The following TGFBR1 variants were observed in gnomAD, a reference collection of about 807,000 sequenced individuals.
The protein encoded by TGFBR1 is TGF-beta receptor type-1.
A neutral mutation model predicts 55.1 loss-of-function variants in TGFBR1; 20 were observed. The ratio of observed to expected loss-of-function variants is 0.36; its 90% CI spans 0.26 to 0.53. The LOEUF is 0.53. Ranked by LOEUF, TGFBR1 falls within the 20% of genes least tolerant of loss-of-function variation. The pLI, the probability that TGFBR1 is intolerant of heterozygous loss-of-function variation, is 0.91. For synonymous variants in TGFBR1, 220 were observed against 214.8 expected (o/e 1.02, Z -0.21); for missense variants, 385 against 617.6 (o/e 0.62, Z 3.99).
intron 4 of TGFBR1, among the ~76,000 whole-genome samples, chr9:99,139,220 C>T (rs1827536989): frequency 6.6e-6 from 1 of 151,700 alleles, no homozygotes; most frequent in Non-Finnish European, 1.5e-5. Flanking sequence ...AAAATGCTGT[C>T]ATTATCTCTT....
intron 1 of TGFBR1, 25 bp downstream of exon 1, chr9:99,105,327 C>G (rs932943260): frequency 5.1e-6 from 5 of 980,330 alleles, no homozygotes; most frequent in Non-Finnish European, 6.0e-6. Flanking sequence ...GGCGGGCGGG[C>G]GACTGCGGGG....
At chr9:99,125,276 C>T (rs1332759437) in intron 1 of TGFBR1, among the ~76,000 whole-genome samples, 2 of 152,154 alleles carry the variant, frequency 1.3e-5, no homozygotes, top group Admixed American at 6.5e-5. Context: ...GCAAGCATTC[C>T]TCAAATACAG....
intron 4 of TGFBR1, among the ~76,000 whole-genome samples, chr9:99,141,247 C>T (rs549121063): frequency 9.9e-5 from 15 of 152,102 alleles, no homozygotes; most frequent in Non-Finnish European, 1.8e-4. Context: ...AGCAAGGGTG[C>T]GAGTTTGGTC....
rs1828039700 is a variant in TGFBR1, at chr9:99,153,955, G to A, written c.*4650G>A. ...TCAGCACATTTGTTAGTCTCCTGGG[G>A]GTGAAAACTTGGCTTACAAGAGAAC... On this transcript the variant is annotated 3_prime_UTR_variant, in exon 9 of 9. Transcript: ENST00000374994. 2 of 214,670 alleles carry A rather than the reference G, an allele frequency of 9.3e-6. No homozygotes were observed. The highest frequency in any genetic ancestry group is 2.3e-5 in the African/African-American group (1 of 44,218). 13.3% of individuals were successfully genotyped at this position (214,670 alleles called of 1,614,324 possible).
intron 6 of TGFBR1, chr9:99,146,093 ATT>A: frequency 3.4e-6 from 1 of 292,670 alleles, no homozygotes; most frequent in South Asian, 3.2e-5. Context: ...TTTTGTATCT[ATT>A]ATTTTTTTCC....
intron 1 of TGFBR1, among the ~76,000 whole-genome samples, chr9:99,112,433 C>T (rs551617530): frequency 2.0e-4 from 31 of 152,308 alleles, no homozygotes; most frequent in African/African-American, 6.3e-4. Context: ...ACAGTGCTTT[C>T]CTTCTCTGTA....
chr9:99,142,615 C>T lies in TGFBR1; in HGVS notation c.885C>T (p.Tyr295=). The part of the protein sequence containing the change: ...HGSLFDYLNR[Y]TVTVEGMIKL... ...CCCTTTTTGATTACTTAAACAGATACACAGTTACTGTGGAAGGAATGATAA... is the reference window on the plus strand; with the variant it reads ...CCCTTTTTGATTACTTAAACAGATATACAGTTACTGTGGAAGGAATGATAA... The change falls in exon 5 of 9, where the codon TAC becomes TAT. Residue 295 remains tyrosine, a synonymous_variant. Coordinates refer to ENST00000374994, the MANE Select transcript of TGFBR1 (RefSeq NM_004612.4). The T allele has an allele frequency of 1.2e-6, 2 of 1,614,072 alleles. No homozygotes were observed. Among genetic ancestry groups the T allele is most frequent in the Non-Finnish European group, 1.7e-6 (2 of 1,179,944 alleles).
intron 1 of TGFBR1, chr9:99,128,141 TCAAGTAGATA>T: frequency 2.6e-6 from 1 of 382,352 alleles, no homozygotes; most frequent in Middle Eastern, 3.7e-4. Flanking sequence ...GCCATAAAGA[TCAAGTAGATA>T]CAAGTGGGCA....
upstream of TGFBR1, among the ~76,000 whole-genome samples, chr9:99,104,275 A>AC (rs368784036): frequency 6.6e-6 from 1 of 152,152 alleles, no homozygotes; most frequent in East Asian, 1.9e-4. Context: ...AGAAGGGGGA[A>AC]CCCCTCCTTT....
In TGFBR1 at chr9:99,119,020, C is replaced by T. The variant is rs71501894; in HGVS notation, c.98-9835C>T. On this transcript the variant is annotated intron_variant, in intron 1 of 8. Transcript: ENST00000374994. The stretch of plus-strand genomic sequence containing the variant: ...ATTGTGAATCTGAGGGCAGGAATCT[C>T]AATCCTAATTATCTCTATCCTCCTA... Among the ~76,000 whole-genome samples the T allele has an allele frequency of 4.8e-3, 728 of 152,128 alleles. 3 individuals are homozygous for T. The highest frequency in any genetic ancestry group is 8.2e-3 in the Non-Finnish European group (557 of 67,976).
At chr9:99,132,309 T>C (rs1232390700) in intron 2 of TGFBR1, among the ~76,000 whole-genome samples, 200 bp from the exon 3 acceptor site, 1 of 152,154 alleles carries the variant, frequency 6.6e-6, no homozygotes, top group African/African-American at 2.4e-5. Flanking sequence ...AGAGCTGGTG[T>C]GCATAAAAGG....
At chr9:99,134,782 A>G (rs1231505714) in intron 3 of TGFBR1, among the ~76,000 whole-genome samples, 3 of 133,900 alleles carry the variant, frequency 2.2e-5, no homozygotes, top group Non-Finnish European at 4.8e-5. Flanking sequence ...ATGAGAAACA[A>G]TGGAATAATT....
chr9:99,130,205 C>T (rs1409658703), intron 2 of TGFBR1, among the ~76,000 whole-genome samples: 2 of 152,032 alleles, frequency 1.3e-5, no homozygotes, highest in Non-Finnish European at 2.9e-5. Context: ...GGTTAGTCAT[C>T]GAAAAGTCCA....
upstream of TGFBR1, chr9:99,105,050 G>T: frequency 1.1e-5 from 6 of 522,826 alleles, no homozygotes; most frequent in Non-Finnish European, 1.5e-5. Context: ...GCCGGCGGGA[G>T]CCCGGCAGCC....
In TGFBR1 at chr9:99,149,272, G is replaced by A. The variant is rs144985585; in HGVS notation, c.1479G>A (p.Ser493=). 28 of 1,613,552 alleles carry A rather than the reference G, an allele frequency of 1.7e-5. No individual in the cohort carries two copies. The highest frequency in any genetic ancestry group is 8.0e-5 in the African/African-American group (6 of 74,828). The change falls in exon 9 of 9, where the codon TCG becomes TCA. Residue 493 remains serine, a synonymous_variant. Coordinates refer to ENST00000374994, the MANE Select transcript of TGFBR1 (RefSeq NM_004612.4). ...CATTGCGGATTAAGAAAACATTATC[G>A]CAACTCAGTCAACAGGAAGGCATCA... ...LTALRIKKTL[S]QLSQQEGIKM is the part of the protein sequence containing the mutation.
rs567489824 is a variant in TGFBR1 at position 99,135,770 on chromosome 9, C to T, written c.575-2089C>T. ...TTTTGAAGTTTTCTCTCAAACAGTTCTAAAGGTACAGAAGAGTAGAGCAGA... is the reference window on the plus strand; with the variant it reads ...TTTTGAAGTTTTCTCTCAAACAGTTTTAAAGGTACAGAAGAGTAGAGCAGA... On this transcript the variant is annotated intron_variant, in intron 3 of 8. Transcript: ENST00000374994. 1.2e-3 allele frequency among the ~76,000 whole-genome samples: 183 copies of T among 151,700 alleles called. 1 individual carries two copies. Among genetic ancestry groups the T allele is most frequent in the Non-Finnish European group, 1.8e-3 (120 of 67,978 alleles).
chr9:99,147,545 A>AC, intron 7 of TGFBR1, 109 bp from the exon 8 acceptor site: 1 of 1,038,186 alleles, frequency 9.6e-7, no homozygotes, highest in East Asian at 2.5e-5. Context: ...TGTTCCACAT[A>AC]CCTACTTTAG....
At chr9:99,112,562 A>G (rs972702927) in intron 1 of TGFBR1, among the ~76,000 whole-genome samples, 7 of 152,106 alleles carry the variant, frequency 4.6e-5, no homozygotes, top group Admixed American at 4.6e-4. Flanking sequence ...TTGTTCACTA[A>G]TGTATCTCAA....
chr9:99,150,869 C>A lies in TGFBR1; in HGVS notation c.*1564C>A. On this transcript the variant is annotated 3_prime_UTR_variant, in exon 9 of 9. Coordinates refer to ENST00000374994, the MANE Select transcript of TGFBR1 (RefSeq NM_004612.4). Reference sequence around the variant, plus strand: ...AGCTTATAATAACTGGTTTTTACTTCCAATGCTATGAAGTCTCTGCAGGGC... The same window carrying A: ...AGCTTATAATAACTGGTTTTTACTTACAATGCTATGAAGTCTCTGCAGGGC... 4.5e-6 allele frequency: 1 copy of A among 221,232 alleles called. No homozygotes were observed. The highest frequency in any genetic ancestry group is 9.1e-6 in the Non-Finnish European group (1 of 110,102). The allele number at this position is 221,232 out of a possible 1,614,324, so 13.7% of individuals were successfully genotyped here. A position where few individuals can be genotyped will look rare whatever the true frequency, so the allele number is the denominator to read the frequency against.
Sources: allele counts gnomAD v4.1 joint callset (sites outside exome capture counted in the v4.1 genomes callset), GRCh38; gene constraint gnomAD v4.1.1; transcripts MANE v1.5; gene names NCBI Gene and HGNC (gene_info 2026-07-23, HGNC 2026-07-21).